The following SLC4A4 variants were observed in gnomAD, a reference collection of about 807,000 sequenced individuals.
SLC4A4 encodes solute carrier family 4 member 4, also known as electrogenic sodium bicarbonate cotransporter 1.
In SLC4A4, 27 loss-of-function variants were observed where a neutral mutation model predicts 111.5. The ratio of observed to expected loss-of-function variants is 0.24; its 90% CI spans 0.18 to 0.33. The LOEUF (loss-of-function observed/expected upper bound fraction) is 0.33. Ranked by LOEUF, SLC4A4 falls within the 10% of genes least tolerant of loss-of-function variation. The pLI is 1.00. For missense variants in SLC4A4, 909 were observed against 1,315.5 expected (o/e 0.69, Z 4.78); for synonymous variants, 443 against 463.4 (o/e 0.96, Z 0.57).
At chr4:71,497,077 C>A (rs1328090812) in intron 15 of SLC4A4, among the ~76,000 whole-genome samples, 3 of 151,996 alleles carry the variant, frequency 2.0e-5, no homozygotes, top group African/African-American at 7.2e-5. Flanking sequence ...AACCATAGGG[C>A]CATCAGGTAG....
At chr4:71,274,081 C>T (rs578027969) in intron 3 of SLC4A4, among the ~76,000 whole-genome samples, 2 of 152,138 alleles carry the variant, frequency 1.3e-5, no homozygotes, top group South Asian at 4.2e-4. Context: ...CTACTGTTGA[C>T]CAATAGCATA....
chr4:71,082,795 G>A (rs1481641857), intron 1 of SLC4A4, among the ~76,000 whole-genome samples: 1 of 151,214 alleles, frequency 6.6e-6, no homozygotes, highest in East Asian at 1.9e-4. Flanking sequence ...AACTCCCTAG[G>A]TCCTCTAGAA....
At chr4:71,330,843 A>G (rs904949773) in intron 3 of SLC4A4, among the ~76,000 whole-genome samples, 1 of 152,118 alleles carries the variant, frequency 6.6e-6, no homozygotes, top group African/African-American at 2.4e-5. Context: ...CATCTGACAA[A>G]GGGCTAATAT....
chr4:71,304,021 TGAA>T (rs1462078425), intron 3 of SLC4A4, among the ~76,000 whole-genome samples: 2 of 152,196 alleles, frequency 1.3e-5, no homozygotes, highest in East Asian at 3.8e-4. Flanking sequence ...ATTCCATCGA[TGAA>T]GAAACTTTGG....
At chr4:71,070,423 C>T (rs536274095) in intron 1 of SLC4A4, among the ~76,000 whole-genome samples, 22 of 152,248 alleles carry the variant, frequency 1.4e-4, no homozygotes, top group Admixed American at 1.2e-3. Flanking sequence ...TGACTTTGTA[C>T]ATTGGTTTTT....
intron 2 of SLC4A4, among the ~76,000 whole-genome samples, chr4:71,173,286 T>C (rs1265101071): frequency 6.6e-6 from 1 of 152,254 alleles, no homozygotes; most frequent in African/African-American, 2.4e-5. Context: ...TCAGTATATA[T>C]GTGCTCTGTC....
chr4:71,384,005 G>T (rs897260766), intron 6 of SLC4A4, among the ~76,000 whole-genome samples: 1 of 152,136 alleles, frequency 6.6e-6, no homozygotes, highest in African/African-American at 2.4e-5. Flanking sequence ...CTTAGAACTA[G>T]ATAACTTGAT....
At chr4:71,414,837 G>T (rs1270356836) in intron 7 of SLC4A4, among the ~76,000 whole-genome samples, 1 of 152,192 alleles carries the variant, frequency 6.6e-6, no homozygotes, top group Non-Finnish European at 1.5e-5. Context: ...GGGGGTAGGA[G>T]AGGGAAGACT....
At chr4:71,465,642 T>C (rs1727239551) in intron 12 of SLC4A4, among the ~76,000 whole-genome samples, 1 of 151,914 alleles carries the variant, frequency 6.6e-6, no homozygotes, top group African/African-American at 2.4e-5. Context: ...GCATTGGTCC[T>C]GAGTGACGTG....
chr4:71,551,646 A>G (rs1736004432), intron 20 of SLC4A4, among the ~76,000 whole-genome samples: 1 of 151,950 alleles, frequency 6.6e-6, no homozygotes, highest in Non-Finnish European at 1.5e-5. Flanking sequence ...CATAACCCTC[A>G]GGGTTTACAA....
At chr4:71,259,006 A>G (rs906317419) in intron 3 of SLC4A4, among the ~76,000 whole-genome samples, 4 of 152,256 alleles carry the variant, frequency 2.6e-5, no homozygotes, top group South Asian at 4.2e-4. Context: ...GCACATGCCT[A>G]TAGTCCCAGG....
chr4:71,351,825 C>T (rs73826276), intron 5 of SLC4A4, among the ~76,000 whole-genome samples: 4,757 of 152,216 alleles, frequency 0.031, 167 homozygotes, highest in South Asian at 0.13. Flanking sequence ...GTTCTAGGCC[C>T]TGAAATCAGG....
intron 5 of SLC4A4, among the ~76,000 whole-genome samples, chr4:71,356,779 C>T (rs1730319808): frequency 6.6e-6 from 1 of 152,112 alleles, no homozygotes. Flanking sequence ...TACATCATAT[C>T]TGGGCCTGAA....
rs115407635 is a variant in SLC4A4 at position 71,067,003 on chromosome 4, A to T, written c.-65+4215A>T. Among the ~76,000 whole-genome samples the T allele has an allele frequency of 4.3e-3, 659 of 152,250 alleles. 4 individuals carry two copies. The highest frequency in any genetic ancestry group is 0.015 in the African/African-American group (625 of 41,544). On this transcript the variant is annotated intron_variant, in intron 1 of 26. Coordinates refer to the SLC4A4 transcript ENST00000649996. ...CAAAAATTACTTCTGTTGAGAGGTA[A>T]GGGGGTAGAGATGAGGTAGTGGGGA... is the stretch of plus-strand genomic sequence containing the variant.
intron 1 of SLC4A4, among the ~76,000 whole-genome samples, chr4:71,069,911 G>T (rs1450889201): frequency 1.3e-5 from 2 of 152,022 alleles, no homozygotes; most frequent in African/African-American, 4.8e-5. Context: ...TTGATATTAT[G>T]CTTTCCAAAT....
chr4:71,356,107 T>C (rs575065898), intron 5 of SLC4A4, among the ~76,000 whole-genome samples: 67 of 152,362 alleles, frequency 4.4e-4, no homozygotes, highest in African/African-American at 1.6e-3. Context: ...TGGCCTGTCA[T>C]GTAGATGTAG....
chr4:71,160,439 A>G (rs1309768015), intron 2 of SLC4A4, among the ~76,000 whole-genome samples: 1 of 152,102 alleles, frequency 6.6e-6, no homozygotes, highest in Non-Finnish European at 1.5e-5. Flanking sequence ...CTTCTATTAT[A>G]CATTGAGCTA....
At chr4:71,422,312 C>T in intron 7 of SLC4A4, among the ~76,000 whole-genome samples, 2 of 145,078 alleles carry the variant, frequency 1.4e-5, no homozygotes, top group African/African-American at 2.6e-5. Context: ...CTGAATAGAC[C>T]AATAACAGGA....
intron 3 of SLC4A4, among the ~76,000 whole-genome samples, chr4:71,286,425 A>G (rs1723926053): frequency 6.6e-6 from 1 of 152,208 alleles, no homozygotes; most frequent in South Asian, 2.1e-4. Context: ...GCTGGTGGAT[A>G]CTTAGTTTTG....
Sources: gnomAD v4.1 joint callset for allele counts (sites outside exome capture counted in the v4.1 genomes callset) on GRCh38, gnomAD v4.1.1 for gene constraint, MANE v1.5 for transcripts, NCBI Gene and HGNC (gene_info 2026-07-23, HGNC 2026-07-21) for gene names.